Variants in HOOK3 observed in about 807,000 individuals in gnomAD.
HOOK3 encodes the protein hook microtubule tethering protein 3.
In HOOK3, 24 loss-of-function variants were observed where a neutral mutation model predicts 116.3. That is an observed-to-expected ratio of 0.21 (90% confidence interval 0.15 to 0.29). The LOEUF (loss-of-function observed/expected upper bound fraction) is 0.29. Among genes scored for constraint, HOOK3 ranks in the 10% least tolerant of loss-of-function variants. The pLI, the probability that HOOK3 is intolerant of heterozygous loss-of-function variation, is 1.00. For missense variants in HOOK3, 632 were observed against 830.2 expected, an observed-to-expected ratio of 0.76 and a Z score of 2.93; for synonymous variants, 275 against 283.0, an observed-to-expected ratio of 0.97 and a Z score of 0.28.
intron 16 of HOOK3, among the ~76,000 whole-genome samples, chr8:42,998,612 C>T (rs926455697): frequency 6.6e-6 from 1 of 151,828 alleles, no homozygotes. Flanking sequence ...CTTGTGAATA[C>T]TAGATATAGA....
chr8:42,929,895 T>C (rs1229660579), intron 3 of HOOK3, among the ~76,000 whole-genome samples: 3 of 152,190 alleles, frequency 2.0e-5, no homozygotes, highest in South Asian at 4.1e-4. Context: ...GGTCATAACA[T>C]TGAAAATTCT....
At chr8:43,014,285 G>GA (rs1195987584) in intron 21 of HOOK3, among the ~76,000 whole-genome samples, 2,316 of 66,570 alleles carry the variant, frequency 0.035, 44 homozygotes, top group Non-Finnish European at 0.055. Context: ...GACTGTCTCA[G>GA]AAAAAAAAAA....
At chr8:43,016,967 A>G (rs114021991) in intron 21 of HOOK3, among the ~76,000 whole-genome samples, 2,190 of 152,254 alleles carry the variant, frequency 0.014, 59 homozygotes, top group African/African-American at 0.048. Context: ...TGAACCCAGG[A>G]GTTCGAGACC....
intron 2 of HOOK3, among the ~76,000 whole-genome samples, chr8:42,913,151 C>T (rs1380446375): frequency 2.0e-5 from 3 of 151,846 alleles, no homozygotes; most frequent in African/African-American, 7.2e-5. Flanking sequence ...ATAATAAATG[C>T]ACATTTTAAA....
chr8:42,900,617 G>A (rs1014645976), intron 1 of HOOK3, among the ~76,000 whole-genome samples: 1 of 152,054 alleles, frequency 6.6e-6, no homozygotes, highest in Non-Finnish European at 1.5e-5. Flanking sequence ...TCCTCTAATG[G>A]AAGAATAAGT....
intron 2 of HOOK3, among the ~76,000 whole-genome samples, chr8:42,911,340 A>G (rs35236316): frequency 0.023 from 3,458 of 152,242 alleles, 57 homozygotes; most frequent in Non-Finnish European, 0.032. Context: ...AATCCCAGCT[A>G]CTAGGGAGAC....
In HOOK3 at chr8:43,024,385, A is replaced by G. The variant is rs2130504644; in HGVS notation, c.*5887A>G. ...GAGCAAAATCAAATGGGATGTCAGA[A>G]TCTTTGAAAATTATTTTATCATTTT... On this transcript the variant is annotated 3_prime_UTR_variant, in exon 22 of 22. Transcript: ENST00000307602. 5.3e-6 allele frequency: 1 copy of G among 188,418 alleles called. No individual in the cohort carries two copies. Among genetic ancestry groups the G allele is most frequent in the East Asian group, 8.5e-5 (1 of 11,754 alleles). The allele number at this position is 188,418 out of a possible 1,614,324, so 11.7% of individuals were successfully genotyped here.
Position 43,028,462 on chromosome 8 carries a change from C to G in HOOK3, c.*9964C>G, listed in dbSNP as rs1809972655. 5.3e-6 allele frequency: 1 copy of G among 186,934 alleles called. No individual in the cohort carries two copies. 11.6% of individuals were successfully genotyped at this position (186,934 alleles called of 1,614,324 possible). On this transcript the variant is annotated 3_prime_UTR_variant, in exon 22 of 22. Transcript: ENST00000307602. Reference sequence around the variant, plus strand: ...ATTGATAGATTTAATGATATCCTTCCTTTTAAATTTATATAGATCTAATGA... The same window carrying G: ...ATTGATAGATTTAATGATATCCTTCGTTTTAAATTTATATAGATCTAATGA...
chr8:43,026,883 CT>C lies in HOOK3; in HGVS notation c.*8394del, dbSNP rs924472823. ...TATGAACTCAGCTGTTTTCTTTTTT[CT>C]TTTTTTTTCTTTTGAGATGGAGTCT... On this transcript the variant is annotated 3_prime_UTR_variant, in exon 22 of 22. Transcript: ENST00000307602. 11 of 195,162 alleles carry C rather than the reference CT, an allele frequency of 5.6e-5. No individual in the cohort carries two copies. Among genetic ancestry groups the C allele is most frequent in the East Asian group, 7.9e-5 (1 of 12,588 alleles). 12.1% of individuals were successfully genotyped at this position (195,162 alleles called of 1,614,324 possible). A position where few individuals can be genotyped will look rare whatever the true frequency, so the allele number is the denominator to read the frequency against.
At chr8:42,993,911 A>G (rs1302421800) in intron 15 of HOOK3, among the ~76,000 whole-genome samples, 1 of 151,930 alleles carries the variant, frequency 6.6e-6, no homozygotes. Flanking sequence ...GTCTGGCTAA[A>G]GGTTTGTCAA....
At chr8:42,909,941 G>C (rs1807390023) in intron 2 of HOOK3, among the ~76,000 whole-genome samples, 1 of 152,186 alleles carries the variant, frequency 6.6e-6, no homozygotes, top group African/African-American at 2.4e-5. Flanking sequence ...GGGGGGCCGA[G>C]GGGAATGGAG....
chr8:42,940,214 C>G (rs938992275), intron 4 of HOOK3, among the ~76,000 whole-genome samples: 1 of 152,244 alleles, frequency 6.6e-6, no homozygotes, highest in Admixed American at 6.5e-5. Context: ...GTGAACGAGA[C>G]TCCGTCTGCA....
At chr8:42,996,352 C>G (rs1308214322) in intron 15 of HOOK3, among the ~76,000 whole-genome samples, 1 of 146,278 alleles carries the variant, frequency 6.8e-6, no homozygotes, top group Non-Finnish European at 1.5e-5. Flanking sequence ...CACCATTGCA[C>G]TCCAGCCTGG....
chr8:42,919,686 A>G (rs1415535624), intron 2 of HOOK3, among the ~76,000 whole-genome samples: 1 of 152,234 alleles, frequency 6.6e-6, no homozygotes, highest in African/African-American at 2.4e-5. Context: ...TCCGTCTGCA[A>G]TCCCGGCACC....
At chr8:43,014,730 TTGATA>T (rs1809678612) in intron 21 of HOOK3, among the ~76,000 whole-genome samples, 1 of 152,220 alleles carries the variant, frequency 6.6e-6, no homozygotes, top group Admixed American at 6.5e-5. Context: ...ACAGTTATAA[TTGATA>T]ACTGCCTCTT....
intron 9 of HOOK3, among the ~76,000 whole-genome samples, chr8:42,965,054 A>G (rs1007129942): frequency 6.6e-6 from 1 of 152,256 alleles, no homozygotes. Flanking sequence ...TCTGTGGGAA[A>G]CAAAGGCGAC....
chr8:42,906,559 A>G (rs1465325203), intron 2 of HOOK3, among the ~76,000 whole-genome samples: 2 of 152,162 alleles, frequency 1.3e-5, no homozygotes, highest in Non-Finnish European at 2.9e-5. Context: ...GGTATCTAAG[A>G]TGCTTACTCC....
intron 2 of HOOK3, among the ~76,000 whole-genome samples, chr8:42,923,691 G>A (rs1237892786): frequency 1.3e-5 from 2 of 152,182 alleles, no homozygotes; most frequent in African/African-American, 2.4e-5. Context: ...GGCTAATGGA[G>A]ATAGGGTTTC....
chr8:42,948,304 T>C (rs1808273369), intron 5 of HOOK3, among the ~76,000 whole-genome samples: 1 of 152,182 alleles, frequency 6.6e-6, no homozygotes, highest in African/African-American at 2.4e-5. Context: ...ACATAGCAAA[T>C]CTCATTCTCC....
Sources: gnomAD v4.1 joint callset for allele counts (sites outside exome capture counted in the v4.1 genomes callset) on GRCh38, gnomAD v4.1.1 for gene constraint, MANE v1.5 for transcripts, NCBI Gene and HGNC (gene_info 2026-07-23, HGNC 2026-07-21) for gene names.